Variants in DNER observed in about 807,000 individuals in gnomAD.
DNER encodes delta and Notch-like epidermal growth factor-related receptor.
Under a neutral mutation model 78.2 loss-of-function variants are expected in DNER, and 33 were observed. The ratio of observed to expected loss-of-function variants is 0.42; its 90% CI spans 0.32 to 0.56. The LOEUF (loss-of-function observed/expected upper bound fraction) is 0.56. Among genes scored for constraint, DNER ranks in the 20% least tolerant of loss-of-function variants. The probability of loss-of-function intolerance (pLI) is 0.11; values close to 1 mark genes in which losing one functional copy is unlikely to be tolerated. For synonymous variants in DNER, 417 were observed against 384.8 expected (o/e 1.08, Z -0.98); for missense variants, 918 against 975.3 (o/e 0.94, Z 0.78).
intron 7 of DNER, among the ~76,000 whole-genome samples, chr2:229,476,077 C>T (rs1269570877): frequency 6.6e-6 from 1 of 152,134 alleles, no homozygotes; most frequent in Non-Finnish European, 1.5e-5. Flanking sequence ...AAGAGCAGGG[C>T]TTGCCAAACA....
At chr2:229,520,003 A>G (rs1696062349) in intron 5 of DNER, among the ~76,000 whole-genome samples, 1 of 152,210 alleles carries the variant, frequency 6.6e-6, no homozygotes, top group Non-Finnish European at 1.5e-5. Flanking sequence ...AGTACCTCTT[A>G]TAAGAGGTAT....
At position 229,678,902 on chromosome 2, in the gene DNER, C is replaced by G. The variant is rs569610455; in HGVS notation, c.276+35246G>C. On this transcript the variant is annotated intron_variant, in intron 1 of 12. Coordinates refer to ENST00000341772, the MANE Select transcript of DNER (RefSeq NM_139072.4). ...GATAATAAATACATCTACGATCTTC[C>G]AAGACAGATCCACAAAGCAGGAGAT... Among the ~76,000 whole-genome samples, 15 of 152,244 alleles carry G rather than the reference C, an allele frequency of 9.9e-5. No homozygotes were observed. The South Asian group carries it at 3.1e-3, about 32-fold the overall frequency.
chr2:229,615,177 C>T (rs1322225797), intron 1 of DNER, among the ~76,000 whole-genome samples: 2 of 151,762 alleles, frequency 1.3e-5, no homozygotes, highest in African/African-American at 4.8e-5. Context: ...TTTGGGAGGC[C>T]GAGGCAGGCG....
At chr2:229,510,804 A>C (rs137994620) in intron 6 of DNER, among the ~76,000 whole-genome samples, 1 of 152,228 alleles carries the variant, frequency 6.6e-6, no homozygotes, top group Non-Finnish European at 1.5e-5. Context: ...ATCTGGGGAC[A>C]CCATGTAACT....
chr2:229,694,748 C>T (rs913558769), intron 1 of DNER, among the ~76,000 whole-genome samples: 5 of 152,202 alleles, frequency 3.3e-5, no homozygotes, highest in African/African-American at 1.2e-4. Context: ...AACTAACTTG[C>T]TTTTGATTTT....
intron 1 of DNER, among the ~76,000 whole-genome samples, chr2:229,593,024 G>C (rs1697636528): frequency 6.6e-6 from 1 of 152,162 alleles, no homozygotes; most frequent in African/African-American, 2.4e-5. Flanking sequence ...TAAGGGATTT[G>C]GGGTTGAATC....
chr2:229,666,791 GAC>G (rs1699099547), intron 1 of DNER, among the ~76,000 whole-genome samples: 1 of 152,200 alleles, frequency 6.6e-6, no homozygotes, highest in South Asian at 2.1e-4. Flanking sequence ...GAGCCAGAAA[GAC>G]AGAGTTCAGC....
In DNER at chr2:229,390,318, G is replaced by A. The variant is rs563990964; in HGVS notation, c.1724-1922C>T. On this transcript the variant is annotated intron_variant, in intron 10 of 12. Coordinates refer to ENST00000341772, the MANE Select transcript of DNER (RefSeq NM_139072.4). Reference sequence around the variant, plus strand: ...CAAAAGCCTCACTCTGCTTCACGAAGTCCAATGTCAATGACATATGCTTTT... The same window carrying A: ...CAAAAGCCTCACTCTGCTTCACGAAATCCAATGTCAATGACATATGCTTTT... Among the ~76,000 whole-genome samples the A allele has an allele frequency of 2.0e-5, 3 of 152,340 alleles. No individual in the cohort carries two copies. In the South Asian group the frequency reaches 6.2e-4, roughly 32 times the overall value.
intron 7 of DNER, among the ~76,000 whole-genome samples, chr2:229,468,778 G>T (rs1694859294): frequency 6.6e-6 from 1 of 152,184 alleles, no homozygotes; most frequent in Non-Finnish European, 1.5e-5. Context: ...GAACCCATTA[G>T]GTAGTTACAG....
At chr2:229,391,053 C>A (rs914826190) in intron 10 of DNER, among the ~76,000 whole-genome samples, 2 of 152,096 alleles carry the variant, frequency 1.3e-5, no homozygotes, top group African/African-American at 4.8e-5. Flanking sequence ...ATGATGGAGC[C>A]CCTCAAGGGA....
intron 6 of DNER, among the ~76,000 whole-genome samples, chr2:229,478,202 C>A (rs1431356028): frequency 6.6e-6 from 1 of 151,848 alleles, no homozygotes; most frequent in Non-Finnish European, 1.5e-5. Flanking sequence ...AATTGTGAGT[C>A]ATAGATATTT....
chr2:229,447,540 C>G lies in DNER; in HGVS notation c.1262G>C (p.Gly421Ala). Residue 421 changes from glycine (G) to alanine (A), a missense_variant and splice_region_variant, in exon 8 of 13, where the codon GGA becomes GCA. By Grantham distance (60) the Gly-to-Ala change is moderately conservative (BLOSUM62 0). Transcript: ENST00000341772. ...LSGFTCQCPE[G>A]YFGSACEEKV... The stretch of plus-strand genomic sequence containing the variant: ...TTCTTCACAAGCAGATCCGAAGTAT[C>G]CTGTGAAAAAACACATGAGAGCTTA... 1 of 1,613,530 alleles carries G rather than the reference C, an allele frequency of 6.2e-7. No individual in the cohort carries two copies.
chr2:229,388,208 G>A, intron 11 of DNER, 57 bp downstream of exon 11: 1 of 1,541,674 alleles, frequency 6.5e-7, no homozygotes, highest in Non-Finnish European at 8.8e-7. Context: ...GAAGGAAAAT[G>A]CTTAAGTAAC....
intron 1 of DNER, among the ~76,000 whole-genome samples, chr2:229,615,928 T>C (rs1698153902): frequency 6.6e-6 from 1 of 152,228 alleles, no homozygotes; most frequent in Non-Finnish European, 1.5e-5. Flanking sequence ...TGTAGGAATC[T>C]GAATGATAAG....
chr2:229,476,170 C>A (rs1313319922), intron 7 of DNER, among the ~76,000 whole-genome samples: 1 of 152,180 alleles, frequency 6.6e-6, no homozygotes, highest in African/African-American at 2.4e-5. Flanking sequence ...CCCACCCTGG[C>A]CCCTGCTCTG....
At chr2:229,635,361 G>GAAAA (rs58220819) in intron 1 of DNER, among the ~76,000 whole-genome samples, 2,777 of 85,688 alleles carry the variant, frequency 0.032, 99 homozygotes, top group African/African-American at 0.034. Context: ...GGTCCCACAG[G>GAAAA]AAAAAAAAAA....
intron 1 of DNER, among the ~76,000 whole-genome samples, chr2:229,701,004 T>C (rs191390707): frequency 6.6e-6 from 1 of 152,240 alleles, no homozygotes; most frequent in South Asian, 2.1e-4. Context: ...TGCATGCATA[T>C]AAAAGTATTT....
rs186597380 is a variant in DNER at position 229,697,048 on chromosome 2, C to T, written c.276+17100G>A. 1.6e-4 allele frequency among the ~76,000 whole-genome samples: 25 copies of T among 152,258 alleles called. 1 individual carries two copies. In the East Asian group the frequency reaches 4.6e-3, roughly 28 times the overall value. The stretch of plus-strand genomic sequence containing the variant: ...ACTCAAACACACACTTGTACGAGCA[C>T]ATTCATAGCAGCACTATTCACAATA... On this transcript the variant is annotated intron_variant, in intron 1 of 12. Coordinates refer to ENST00000341772, the MANE Select transcript of DNER (RefSeq NM_139072.4).
chr2:229,545,775 A>G (rs1696616647), intron 5 of DNER, among the ~76,000 whole-genome samples: 1 of 152,154 alleles, frequency 6.6e-6, no homozygotes, highest in Non-Finnish European at 1.5e-5. Flanking sequence ...CAGGGTTCCC[A>G]TAGTGTTTCT....
Sources: allele counts gnomAD v4.1 joint callset (sites outside exome capture counted in the v4.1 genomes callset), GRCh38; gene constraint gnomAD v4.1.1; transcripts MANE v1.5; gene names NCBI Gene and HGNC (gene_info 2026-07-23, HGNC 2026-07-21).